The following ANKRD55 variants were observed in gnomAD, a reference collection of about 807,000 sequenced individuals.
ANKRD55 encodes ankyrin repeat domain 55, also known as ankyrin repeat domain-containing protein 55.
ANKRD55 carries 41 observed loss-of-function variants against 60.6 expected under a neutral mutation model. The ratio of observed to expected loss-of-function variants is 0.68; its 90% CI spans 0.53 to 0.88. ANKRD55 has a LOEUF of 0.88. ANKRD55 is among the 40% of genes least tolerant of loss of function. ANKRD55 has a pLI of 0.00. For synonymous variants in ANKRD55, 264 were observed against 290.3 expected (o/e 0.91, Z 0.92); for missense variants, 732 against 767.6 (o/e 0.95, Z 0.55).
intron 7 of ANKRD55, among the ~76,000 whole-genome samples, chr5:56,128,491 A>G (rs941262276): frequency 6.6e-6 from 1 of 152,214 alleles, no homozygotes; most frequent in Admixed American, 6.5e-5. Context: ...CTGGATAAGT[A>G]AAGACAGACT....
intron 10 of ANKRD55, among the ~76,000 whole-genome samples, chr5:56,109,531 T>A (rs1487688973): frequency 6.6e-6 from 1 of 151,812 alleles, no homozygotes; most frequent in African/African-American, 2.4e-5. Context: ...GAATCACCTG[T>A]GGATCTTTTT....
chr5:56,205,543 C>T (rs1233848832), intron 2 of ANKRD55, among the ~76,000 whole-genome samples: 1 of 152,160 alleles, frequency 6.6e-6, no homozygotes, highest in Non-Finnish European at 1.5e-5. Context: ...TGGCAGTGTT[C>T]TTGAGGAGAC....
chr5:56,137,020 A>G, intron 7 of ANKRD55: 2 of 718,926 alleles, frequency 2.8e-6, no homozygotes, highest in South Asian at 2.9e-5. Flanking sequence ...CCACAAAATC[A>G]TGCAAATCAA....
intron 7 of ANKRD55, among the ~76,000 whole-genome samples, chr5:56,133,975 A>G (rs1329341396): frequency 8.7e-6 from 1 of 114,498 alleles, no homozygotes; most frequent in Non-Finnish European, 2.1e-5. Flanking sequence ...ATGAAGTAGA[A>G]AACAGAAAAT....
intron 8 of ANKRD55, among the ~76,000 whole-genome samples, chr5:56,117,518 GTC>G (rs1336966373): frequency 1.3e-5 from 2 of 152,042 alleles, no homozygotes; most frequent in East Asian, 3.9e-4. Flanking sequence ...CAATGGTGTG[GTC>G]TTGGCTCACT....
intron 7 of ANKRD55, among the ~76,000 whole-genome samples, chr5:56,140,510 G>A (rs1370480888): frequency 1.3e-5 from 2 of 152,290 alleles, no homozygotes; most frequent in African/African-American, 4.8e-5. Flanking sequence ...ACATACAATT[G>A]TAGGGGTTCT....
chr5:56,204,908 G>A (rs1561291594), intron 2 of ANKRD55, among the ~76,000 whole-genome samples: 1 of 152,214 alleles, frequency 6.6e-6, no homozygotes, highest in Non-Finnish European at 1.5e-5. Flanking sequence ...AGGTGTTGGA[G>A]TCAGGCATTT....
intron 8 of ANKRD55, among the ~76,000 whole-genome samples, chr5:56,120,899 CAAAAAAA>C (rs34532327): frequency 4.9e-5 from 4 of 81,156 alleles, no homozygotes; most frequent in Admixed American, 4.5e-4. Context: ...GACTCCGTCT[CAAAAAAA>C]AAAAAAAAAA....
chr5:56,120,567 G>T (rs1757012493), intron 8 of ANKRD55, among the ~76,000 whole-genome samples: 1 of 152,144 alleles, frequency 6.6e-6, no homozygotes, highest in South Asian at 2.1e-4. Context: ...GAATGGAAAT[G>T]GCTCCCCCAG....
chr5:56,142,373 A>G (rs1561267543), intron 7 of ANKRD55, among the ~76,000 whole-genome samples: 1 of 151,924 alleles, frequency 6.6e-6, no homozygotes, highest in Non-Finnish European at 1.5e-5. Flanking sequence ...ACAAAAACCC[A>G]GCGATTCCAC....
chr5:56,156,059 T>C (rs1758186813), intron 6 of ANKRD55, among the ~76,000 whole-genome samples: 1 of 151,756 alleles, frequency 6.6e-6, no homozygotes, highest in Non-Finnish European at 1.5e-5. Context: ...GAACCAGAGA[T>C]GAGGTAGCAC....
chr5:56,100,525 C>A (rs1416061149), intron 11 of ANKRD55, among the ~76,000 whole-genome samples: 1 of 152,112 alleles, frequency 6.6e-6, no homozygotes, highest in Non-Finnish European at 1.5e-5. Flanking sequence ...ACATAGAAGA[C>A]TGTACCAAGT....
chr5:56,117,382 C>T (rs1229127232), intron 8 of ANKRD55, among the ~76,000 whole-genome samples: 1 of 152,078 alleles, frequency 6.6e-6, no homozygotes, highest in Non-Finnish European at 1.5e-5. Context: ...ATATTAAAGG[C>T]ATTGGTCTTT....
intron 7 of ANKRD55, chr5:56,137,228 CA>C: frequency 6.2e-7 from 1 of 1,608,172 alleles, no homozygotes. Flanking sequence ...GTCGGTGGCC[CA>C]AAAAGAGTGC....
At chr5:56,172,754 T>C (rs375272895) in intron 4 of ANKRD55, among the ~76,000 whole-genome samples, 1 of 152,206 alleles carries the variant, frequency 6.6e-6, no homozygotes, top group South Asian at 2.1e-4. Context: ...GTGTTACAAA[T>C]GAAGGAGAAA....
At chr5:56,137,259 C>G (rs1757630770) in intron 7 of ANKRD55, 1 of 1,603,448 alleles carries the variant, frequency 6.2e-7, no homozygotes, top group African/African-American at 1.3e-5. Context: ...GCTGCACATG[C>G]TTAAAAATGC....
intron 6 of ANKRD55, among the ~76,000 whole-genome samples, chr5:56,154,135 A>T (rs965014566): frequency 1.5e-5 from 2 of 133,658 alleles, no homozygotes; most frequent in African/African-American, 5.6e-5. Context: ...CAGGAGGTGG[A>T]GCTTGCAGTG....
At position 56,186,797 on chromosome 5, in the gene ANKRD55, T is replaced by C. The variant is rs372866023; in HGVS notation, c.59-3163A>G. ...CATTTTGTTAAGATTTCTCACAGTATATTTGGGCACAAGAAATAGGGCCCA... is the reference window on the plus strand; with the variant it reads ...CATTTTGTTAAGATTTCTCACAGTACATTTGGGCACAAGAAATAGGGCCCA... On this transcript the variant is annotated intron_variant, in intron 2 of 11. Coordinates refer to ENST00000341048, the MANE Select transcript of ANKRD55 (RefSeq NM_024669.3). 2.6e-5 allele frequency among the ~76,000 whole-genome samples: 4 copies of C among 152,334 alleles called. No homozygotes were observed. The East Asian group carries it at 7.7e-4, about 29-fold the overall frequency.
chr5:56,190,121 A>T (rs1217067058), intron 2 of ANKRD55, among the ~76,000 whole-genome samples: 2 of 152,212 alleles, frequency 1.3e-5, no homozygotes, highest in Non-Finnish European at 2.9e-5. Context: ...GGCTATAGGC[A>T]TATCTTTCAA....
Sources: gnomAD v4.1 joint callset for allele counts (sites outside exome capture counted in the v4.1 genomes callset) on GRCh38, gnomAD v4.1.1 for gene constraint, MANE v1.5 for transcripts, NCBI Gene and HGNC (gene_info 2026-07-23, HGNC 2026-07-21) for gene names.